ABLIM2: variants seen among roughly 807,000 people sequenced by gnomAD.
ABLIM2 encodes the protein actin binding LIM protein family member 2.
In ABLIM2, 53 loss-of-function variants were observed where a neutral mutation model predicts 97.7. That is an observed-to-expected ratio of 0.54 (90% CI 0.44 to 0.68). The LOEUF is 0.68. Ranked by LOEUF, ABLIM2 falls within the 30% of genes least tolerant of loss-of-function variation. ABLIM2 has a pLI of 0.00. For missense variants in ABLIM2, 835 were observed against 867.2 expected (o/e 0.96, Z 0.47); for synonymous variants, 361 against 345.8 (o/e 1.04, Z -0.49).
At chr4:7,984,434 A>G (rs1025566989) in intron 18 of ABLIM2, among the ~76,000 whole-genome samples, 2 of 152,200 alleles carry the variant, frequency 1.3e-5, no homozygotes, top group Non-Finnish European at 2.9e-5. Flanking sequence ...CAAACCTCCT[A>G]GTAGCCCTGC....
chr4:7,997,743 C>T (rs930364825), intron 16 of ABLIM2, among the ~76,000 whole-genome samples: 19 of 152,136 alleles, frequency 1.2e-4, no homozygotes, highest in African/African-American at 4.3e-4. Context: ...GTCCTGAGAC[C>T]CCCTCATCAG....
intron 20 of ABLIM2, among the ~76,000 whole-genome samples, chr4:7,972,114 A>T (rs915395577): frequency 1.3e-5 from 2 of 152,084 alleles, no homozygotes; most frequent in Admixed American, 1.3e-4. Context: ...TGTCATAATG[A>T]CGGTGGCCAT....
At chr4:8,020,405 C>T (rs1772750592) in intron 12 of ABLIM2, 102 bp from the exon 13 acceptor site, 3 of 1,066,080 alleles carry the variant, frequency 2.8e-6, no homozygotes, top group Middle Eastern at 2.0e-4. Flanking sequence ...CCCCATCTCT[C>T]CTGTCTGGTG....
Position 8,032,076 on chromosome 4 carries a change from G to A in ABLIM2, c.1048-2300C>T, listed in dbSNP as rs1373713843. On this transcript the variant is annotated intron_variant, in intron 10 of 20. Transcript: ENST00000447017. The surrounding 1 kb of genome is among the most constrained non-coding windows in gnomAD (Gnocchi z 4.3). ...AGCACAGGGGAAGAGCTCAGGGCAC[G>A]GTCACTGCCCAGGCTGTCTATTCCT... 2.6e-5 allele frequency among the ~76,000 whole-genome samples: 4 copies of A among 151,966 alleles called. No individual in the cohort carries two copies. Among genetic ancestry groups the A allele is most frequent in the Admixed American group, 1.3e-4 (2 of 15,254 alleles).
intron 14 of ABLIM2, 114 bp from the exon 15 acceptor site, chr4:8,009,216 G>A: frequency 7.5e-7 from 1 of 1,326,904 alleles, no homozygotes; most frequent in Non-Finnish European, 1.1e-6. Flanking sequence ...CAAAGAGAAG[G>A]TCAGTAGTAC....
At position 8,020,016 on chromosome 4, in the gene ABLIM2, C is replaced by T. The variant is rs78401520; in HGVS notation, c.1369+186G>A. Among the ~76,000 whole-genome samples, 581 of 151,044 alleles carry T rather than the reference C, an allele frequency of 3.8e-3. 6 individuals are homozygous for T. Among genetic ancestry groups the T allele is most frequent in the African/African-American group, 0.012 (513 of 41,216 alleles). Reference sequence around the variant, plus strand: ...ATTTGGAAGAAACTCAAACACACATCGGTTTGGGGTTGTGAAAACCCGTCT... The same window carrying T: ...ATTTGGAAGAAACTCAAACACACATTGGTTTGGGGTTGTGAAAACCCGTCT... On this transcript the variant is annotated intron_variant, in intron 13 of 20. Transcript: ENST00000447017.
At position 7,996,421 on chromosome 4, in the gene ABLIM2, G is replaced by A. The variant is rs112182731; in HGVS notation, c.1619-3494C>T. The stretch of plus-strand genomic sequence containing the variant: ...CCAGGTTCCCAGTGCCCAGGCTGCC[G>A]CCGACCGGTCTCAACTTTTAACCAC... On this transcript the variant is annotated intron_variant, in intron 16 of 20. Coordinates refer to ENST00000447017, the MANE Select transcript of ABLIM2 (RefSeq NM_001130083.2). This position sits in a 1 kb window ranked among gnomAD's most constrained non-coding sequence, Gnocchi z 4.5. Among the ~76,000 whole-genome samples the A allele has an allele frequency of 0.037, 5,708 of 152,252 alleles. 307 individuals carry two copies. Among genetic ancestry groups the A allele is most frequent in the African/African-American group, 0.12 (4,947 of 41,516 alleles).
intron 1 of ABLIM2, among the ~76,000 whole-genome samples, chr4:8,117,631 T>C (rs1561527040): frequency 6.6e-6 from 1 of 152,094 alleles, no homozygotes; most frequent in East Asian, 1.9e-4. Flanking sequence ...TTGCCTGGGA[T>C]CCACCCACTT....
intron 20 of ABLIM2, among the ~76,000 whole-genome samples, chr4:7,971,120 C>T (rs1223466725): frequency 6.6e-6 from 1 of 152,074 alleles, no homozygotes; most frequent in East Asian, 1.9e-4. Context: ...CCACTGCCTC[C>T]TAGGTGAGAG....
At chr4:8,029,923 G>T (rs1779806776) in intron 10 of ABLIM2, 147 bp from the exon 11 acceptor site, 1 of 1,119,994 alleles carries the variant, frequency 8.9e-7, no homozygotes, top group Non-Finnish European at 1.2e-6. Context: ...TCCTGCACCT[G>T]TCAGGGCAGG....
intron 20 of ABLIM2, among the ~76,000 whole-genome samples, chr4:7,977,008 T>C (rs7654924): frequency 0.65 from 98,135 of 152,002 alleles, 31,814 homozygotes; most frequent in African/African-American, 0.66. Context: ...GTGTCCTCAC[T>C]CAAATCTCAT....
chr4:7,977,281 G>A (rs1248578816), intron 20 of ABLIM2, among the ~76,000 whole-genome samples: 1 of 152,068 alleles, frequency 6.6e-6, no homozygotes, highest in East Asian at 1.9e-4. Flanking sequence ...GCAGAACTGT[G>A]AGCAAATTAA....
intron 12 of ABLIM2, among the ~76,000 whole-genome samples, chr4:8,024,474 G>A (rs1776051504): frequency 6.6e-6 from 1 of 152,178 alleles, no homozygotes; most frequent in South Asian, 2.1e-4. Context: ...GGAGGGAAAT[G>A]TCCACTGAGA....
intron 20 of ABLIM2, among the ~76,000 whole-genome samples, chr4:7,981,204 A>G (rs946229447): frequency 6.6e-6 from 1 of 151,886 alleles, no homozygotes; most frequent in Non-Finnish European, 1.5e-5. Context: ...CAGCCTCCCA[A>G]AGTGCTGGGA....
chr4:8,036,023 G>T, intron 10 of ABLIM2, 126 bp downstream of exon 10: 1 of 1,173,312 alleles, frequency 8.5e-7, no homozygotes, highest in Non-Finnish European at 1.2e-6. Context: ...GAGGCTGAGC[G>T]TGTGGGTGAG....
In ABLIM2 at chr4:8,027,752, G is replaced by A. The variant is rs1253092595; in HGVS notation, c.1267+7C>T. ...GCACCCACAGCCCACATCACTGCGT[G>A]CCTTACCTCGGAAGTAGGGGATGTA... On this transcript the variant is annotated splice_region_variant and intron_variant, in intron 12 of 20. Transcript: ENST00000447017. 6.4e-7 allele frequency: 1 copy of A among 1,574,198 alleles called. No individual in the cohort carries two copies. Among genetic ancestry groups the A allele is most frequent in the Non-Finnish European group, 8.6e-7 (1 of 1,160,092 alleles).
At position 8,003,789 on chromosome 4, in the gene ABLIM2, T is replaced by C. The variant is rs548951103; in HGVS notation, c.1618+4270A>G. ...CATGTTGGTCAGGCTGGTCTCGAACTCCTGACCTCAGGTGATCTGCCCGCC... is the reference window on the plus strand; with the variant it reads ...CATGTTGGTCAGGCTGGTCTCGAACCCCTGACCTCAGGTGATCTGCCCGCC... On this transcript the variant is annotated intron_variant, in intron 16 of 20. Coordinates refer to ENST00000447017, the MANE Select transcript of ABLIM2 (RefSeq NM_001130083.2). This position sits in a 1 kb window ranked among gnomAD's most constrained non-coding sequence, Gnocchi z 4.2. 6.6e-6 allele frequency among the ~76,000 whole-genome samples: 1 copy of C among 152,098 alleles called. No individual in the cohort carries two copies. The highest frequency in any genetic ancestry group is 1.5e-5 in the Non-Finnish European group (1 of 68,010).
At chr4:8,018,548 C>T (rs1192208492) in intron 14 of ABLIM2, among the ~76,000 whole-genome samples, 1 of 152,210 alleles carries the variant, frequency 6.6e-6, no homozygotes, top group Non-Finnish European at 1.5e-5. Flanking sequence ...ACATTTCATT[C>T]ACTTTTTTCC....
chr4:8,091,771 G>A (rs1329053129), intron 3 of ABLIM2, among the ~76,000 whole-genome samples: 2 of 64,104 alleles, frequency 3.1e-5, no homozygotes, highest in African/African-American at 8.0e-5. Flanking sequence ...TATTTATTAT[G>A]CATTTATATA....
Sources: allele counts gnomAD v4.1 joint callset (sites outside exome capture counted in the v4.1 genomes callset), GRCh38; gene constraint gnomAD v4.1.1; non-coding constraint Gnocchi (gnomAD v3.1); transcripts MANE v1.5; gene names NCBI Gene and HGNC (gene_info 2026-07-23, HGNC 2026-07-21).